PCDH9: variants seen among roughly 807,000 people sequenced by gnomAD.
PCDH9 encodes protocadherin-9.
Under a neutral mutation model 70.6 loss-of-function variants are expected in PCDH9, and 24 were observed. The ratio of observed to expected loss-of-function variants is 0.34; its 90% confidence interval spans 0.25 to 0.48. PCDH9 has a LOEUF of 0.48. Among genes scored for constraint, PCDH9 ranks in the 20% least tolerant of loss-of-function variants. The pLI is 0.99. For synonymous variants in PCDH9, 562 were observed against 558.5 expected (o/e 1.01, Z -0.09); for missense variants, 1,281 against 1,503.6 (o/e 0.85, Z 2.45).
intron 3 of PCDH9, among the ~76,000 whole-genome samples, chr13:66,704,911 T>C (rs1297411559): frequency 1.3e-5 from 2 of 152,180 alleles, no homozygotes; most frequent in East Asian, 3.8e-4. Flanking sequence ...TAACAAAACA[T>C]ATTTCTAATG....
intron 4 of PCDH9, among the ~76,000 whole-genome samples, chr13:66,538,093 A>G (rs1440981818): frequency 6.6e-6 from 1 of 152,132 alleles, no homozygotes; most frequent in African/African-American, 2.4e-5. Flanking sequence ...ATACTCTCAA[A>G]AAGTCTTTCG....
At chr13:66,386,609 A>G (rs1956934762) in intron 4 of PCDH9, among the ~76,000 whole-genome samples, 1 of 152,180 alleles carries the variant, frequency 6.6e-6, no homozygotes, top group African/African-American at 2.4e-5. Context: ...TAGAGTATTT[A>G]TACTATAGTC....
chr13:66,882,452 T>G (rs1473529503), intron 3 of PCDH9, among the ~76,000 whole-genome samples: 2 of 152,120 alleles, frequency 1.3e-5, no homozygotes, highest in Admixed American at 6.5e-5. Context: ...ATTTTCTTCC[T>G]CCATCAAAAC....
At chr13:67,107,834 G>C (rs2086578132) in intron 2 of PCDH9, among the ~76,000 whole-genome samples, 1 of 152,142 alleles carries the variant, frequency 6.6e-6, no homozygotes, top group Non-Finnish European at 1.5e-5. Context: ...GCCCTTCGAG[G>C]AGCCTAGACC....
chr13:66,548,528 G>A (rs1961323437), intron 4 of PCDH9, among the ~76,000 whole-genome samples: 1 of 151,966 alleles, frequency 6.6e-6, no homozygotes, highest in South Asian at 2.1e-4. Context: ...TCATGTTGCT[G>A]CACTACAGCC....
At chr13:66,554,459 A>C (rs1359091674) in intron 4 of PCDH9, among the ~76,000 whole-genome samples, 1 of 152,154 alleles carries the variant, frequency 6.6e-6, no homozygotes, top group African/African-American at 2.4e-5. Flanking sequence ...TTGTTGAATA[A>C]GGGCATTTTG....
chr13:66,682,404 T>C (rs2078340134), intron 3 of PCDH9, among the ~76,000 whole-genome samples: 2 of 151,676 alleles, frequency 1.3e-5, no homozygotes, highest in Admixed American at 6.6e-5. Flanking sequence ...ATCTATCATC[T>C]ATCATCTTCT....
chr13:66,944,513 T>C (rs1438841762), intron 2 of PCDH9, among the ~76,000 whole-genome samples: 1 of 152,158 alleles, frequency 6.6e-6, no homozygotes, highest in East Asian at 1.9e-4. Flanking sequence ...CCCAGAGAAT[T>C]ACCTAAGCTC....
rs763542819 is a variant in PCDH9 at position 67,228,401 on chromosome 13, C to T, written c.40G>A (p.Ala14Thr). Residue 14 changes from alanine to threonine, a missense_variant, in exon 2 of 5, where the codon GCC (alanine) becomes ACC (threonine). Physicochemically the swap from Ala to Thr is moderately conservative, Grantham distance 58 (BLOSUM62 0). Transcript: ENST00000377865. ...RDFYLLAALI[A>T]CLRLDSAIAQ... ...ATTGCGGAATCCAGCCTTAAACAGGCAATCAGAGCAGCCAACAGGTAAAAA... is the reference window on the plus strand; with the variant it reads ...ATTGCGGAATCCAGCCTTAAACAGGTAATCAGAGCAGCCAACAGGTAAAAA... The T allele has an allele frequency of 7.5e-6, 12 of 1,603,546 alleles. No individual in the cohort carries two copies. Among genetic ancestry groups the T allele is most frequent in the Admixed American group, 1.7e-5 (1 of 58,058 alleles).
At chr13:66,489,733 T>C (rs1471005008) in intron 4 of PCDH9, among the ~76,000 whole-genome samples, 1 of 152,204 alleles carries the variant, frequency 6.6e-6, no homozygotes, top group Non-Finnish European at 1.5e-5. Context: ...ATGATTTTCT[T>C]GTTCCCACAA....
Position 66,903,603 on chromosome 13 carries a change from A to C in PCDH9, c.3039T>G (p.Cys1013Trp). 1 of 1,362,500 alleles carries C rather than the reference A, an allele frequency of 7.3e-7. No individual in the cohort carries two copies. The highest frequency in any genetic ancestry group is 1.0e-6 in the Non-Finnish European group (1 of 953,186). The allele number at this position is 1,362,500 out of a possible 1,614,324, so 84.4% of individuals were successfully genotyped here. A position where few individuals can be genotyped will look rare whatever the true frequency, so the allele number is the denominator to read the frequency against. ...TATTGTCACTTTTGCTGTGTGAGTT[A>C]CACTGAAAGAGATTACCAAATAATT... ...KTKGPLHTRQ[C>W]NSHSKSDNIP... Residue 1013 changes from cysteine to tryptophan, a missense_variant and splice_region_variant, in exon 3 of 5, where the codon TGT (cysteine) becomes TGG (tryptophan). Cys to Trp is a radical substitution (Grantham distance 215). This residue lies in a region of PCDH9 where 264 missense variants were observed against 278.8 expected (regional missense o/e 0.95). Transcript: ENST00000377865.
At chr13:66,725,658 C>A (rs1029166726) in intron 3 of PCDH9, among the ~76,000 whole-genome samples, 1 of 152,058 alleles carries the variant, frequency 6.6e-6, no homozygotes, top group African/African-American at 2.4e-5. Context: ...TAAAAGTATA[C>A]AATAAACATG....
At chr13:66,500,905 C>T (rs554599227) in intron 4 of PCDH9, among the ~76,000 whole-genome samples, 334 of 152,104 alleles carry the variant, frequency 2.2e-3, no homozygotes, top group Non-Finnish European at 4.1e-3. Flanking sequence ...TTCCCTATAT[C>T]CACATAGCAA....
Position 67,007,087 on chromosome 13 carries a change from G to A in PCDH9, c.3037-103482C>T, listed in dbSNP as rs1160398062. On this transcript the variant is annotated intron_variant, in intron 2 of 4. Transcript: ENST00000377865. ...ACATATTACCTTGAAAAACTCCAAA[G>A]AGTATCAAAACTTATTCTGAATTTT... Among the ~76,000 whole-genome samples, 3 of 150,660 alleles carry A rather than the reference G, an allele frequency of 2.0e-5. No individual in the cohort carries two copies. The Admixed American group carries it at 2.0e-4, about 10-fold the overall frequency.
intron 2 of PCDH9, among the ~76,000 whole-genome samples, chr13:67,089,182 A>G (rs1456293835): frequency 6.6e-6 from 1 of 152,090 alleles, no homozygotes; most frequent in East Asian, 1.9e-4. Flanking sequence ...TAACAATAAA[A>G]AGAAATAGTG....
intron 2 of PCDH9, among the ~76,000 whole-genome samples, chr13:67,124,340 A>G (rs2086935557): frequency 6.6e-6 from 1 of 152,210 alleles, no homozygotes; most frequent in Non-Finnish European, 1.5e-5. Context: ...TAGTAGGCAT[A>G]TATATTTATT....
intron 3 of PCDH9, among the ~76,000 whole-genome samples, chr13:66,686,991 C>T (rs556869041): frequency 1.3e-5 from 2 of 152,166 alleles, no homozygotes; most frequent in Non-Finnish European, 2.9e-5. Flanking sequence ...TCTAATTGTG[C>T]CCCCCAAAAG....
chr13:66,445,508 TAC>T (rs1253907415), intron 4 of PCDH9, among the ~76,000 whole-genome samples: 3 of 144,314 alleles, frequency 2.1e-5, no homozygotes, highest in African/African-American at 5.1e-5. Flanking sequence ...ATATAATATA[TAC>T]ACACATATAT....
intron 4 of PCDH9, among the ~76,000 whole-genome samples, chr13:66,349,452 TATCGGAGTGTGGC>T (rs1424444044): frequency 6.6e-6 from 1 of 152,184 alleles, no homozygotes; most frequent in Non-Finnish European, 1.5e-5. Flanking sequence ...TCCCACTTTA[TATCGGAGTGTGGC>T]ATTGTGCTTT....
Sources: allele counts gnomAD v4.1 joint callset (sites outside exome capture counted in the v4.1 genomes callset), GRCh38; gene constraint gnomAD v4.1.1; regional missense constraint gnomAD v4.1.1; transcripts MANE v1.5; gene names NCBI Gene and HGNC (gene_info 2026-07-23, HGNC 2026-07-21).